USP40: variants seen among roughly 807,000 people sequenced by gnomAD.
USP40 encodes ubiquitin carboxyl-terminal hydrolase 40.
In USP40, 143 loss-of-function variants were observed where a neutral mutation model predicts 166.2. That is an observed-to-expected ratio of 0.86 (90% confidence interval 0.75 to 0.99). The LOEUF (loss-of-function observed/expected upper bound fraction) is 0.99, where lower values mean the gene tolerates loss of function less well. USP40 is among the 50% of genes least tolerant of loss of function. USP40 has a pLI of 0.00. For synonymous variants in USP40, 498 were observed against 524.0 expected (o/e 0.95, Z 0.68); for missense variants, 1,444 against 1,479.7 (o/e 0.98, Z 0.40).
chr2:233,479,560 G>A (rs563436037), intron 31 of USP40, among the ~76,000 whole-genome samples: 22 of 128,708 alleles, frequency 1.7e-4, no homozygotes, highest in Admixed American at 2.3e-4. Context: ...GGACTCCGTC[G>A]CAAAAAAAAA....
At chr2:233,562,841 C>A (rs2071777740) in intron 2 of USP40, 38 bp from the exon 3 acceptor site, 3 of 1,456,784 alleles carry the variant, frequency 2.1e-6, no homozygotes, top group East Asian at 2.5e-5. Flanking sequence ...CAAATGACAT[C>A]ATTTCATTTT....
intron 18 of USP40, among the ~76,000 whole-genome samples, chr2:233,516,964 T>A (rs905856862): frequency 6.6e-6 from 1 of 152,192 alleles, no homozygotes; most frequent in African/African-American, 2.4e-5. Context: ...TATTTTCTAG[T>A]TTTTAGTGTA....
At chr2:233,532,997 T>C (rs1420339464) in intron 11 of USP40, among the ~76,000 whole-genome samples, 4 of 150,290 alleles carry the variant, frequency 2.7e-5, no homozygotes, top group Non-Finnish European at 5.9e-5. Context: ...GGAGAAGATA[T>C]GAAAAGATAT....
At chr2:233,517,710 A>G (rs1407201583) in intron 18 of USP40, among the ~76,000 whole-genome samples, 2 of 152,088 alleles carry the variant, frequency 1.3e-5, no homozygotes, top group Admixed American at 1.3e-4. Context: ...TTATAGCAGC[A>G]CAGTTTGCAA....
Position 233,479,561 on chromosome 2 carries a change from C to CAAA in USP40, c.3599+1639_3599+1641dup, listed in dbSNP as rs1295940321. Among the ~76,000 whole-genome samples the CAAA allele has an allele frequency of 2.8e-4, 27 of 96,358 alleles. 1 individual carries two copies. Among genetic ancestry groups the CAAA allele is most frequent in the African/African-American group, 9.5e-4 (25 of 26,198 alleles). 63.2% of individuals were successfully genotyped at this position (96,358 alleles called of 152,430 possible). On this transcript the variant is annotated intron_variant, in intron 31 of 31. Coordinates refer to ENST00000678225, the MANE Select transcript of USP40 (RefSeq NM_001365479.2). ...CTGGCGACAAGGTGGGACTCCGTCG[C>CAAA]AAAAAAAAAAAAAAATTTGGAAAAC...
chr2:233,527,822 G>A (rs1257977064), intron 12 of USP40, among the ~76,000 whole-genome samples: 2 of 150,490 alleles, frequency 1.3e-5, no homozygotes, highest in African/African-American at 4.9e-5. Context: ...CCATTTCTCT[G>A]AACAAAGGCT....
chr2:233,496,715 C>A, intron 24 of USP40, 43 bp downstream of exon 24: 1 of 1,524,044 alleles, frequency 6.6e-7, no homozygotes, highest in Non-Finnish European at 9.1e-7. Context: ...AATCAGATAA[C>A]AATTATTACT....
chr2:233,486,977 G>A lies in USP40; in HGVS notation c.3198-1000C>T, dbSNP rs564879642. Among the ~76,000 whole-genome samples, 5 of 152,312 alleles carry A rather than the reference G, an allele frequency of 3.3e-5. No homozygotes were observed. The South Asian group carries it at 6.2e-4, about 19-fold the overall frequency. On this transcript the variant is annotated intron_variant, in intron 28 of 31. Coordinates refer to ENST00000678225, the MANE Select transcript of USP40 (RefSeq NM_001365479.2). The surrounding 1 kb of genome is among the most constrained non-coding windows in gnomAD (Gnocchi z 4.0). ...GGGACTAGAGGCCTCCTTGAGAGCA[G>A]GAGTGCCCTGGAAGTTGGTCAAGGA...
rs564439709 is a variant in USP40, at chr2:233,511,466, A to G, written c.2526+243T>C. 1.1e-4 allele frequency among the ~76,000 whole-genome samples: 17 copies of G among 152,336 alleles called. No homozygotes were observed. The East Asian group carries it at 3.3e-3, about 29-fold the overall frequency. On this transcript the variant is annotated intron_variant, in intron 20 of 31. Transcript: ENST00000678225. ...AATATAGTGGTTGAAAGTGGTGGCC[A>G]CTCAGCATCAAAGATTCCTTTTAAC...
At position 233,477,391 on chromosome 2, in the gene USP40, G is replaced by T. The variant is rs1575200912; in HGVS notation, c.*1C>A. ...GGGAGTAGAGCCGTGCAGCGGCGCG[G>T]TTATCTGAAGCTCCCCACGTGGATG... is the stretch of plus-strand genomic sequence containing the variant. On this transcript the variant is annotated 3_prime_UTR_variant, in exon 32 of 32. Transcript: ENST00000678225. 6.2e-7 allele frequency: 1 copy of T among 1,613,290 alleles called. No individual in the cohort carries two copies. The highest frequency in any genetic ancestry group is 1.1e-5 in the South Asian group (1 of 91,072).
chr2:233,549,928 G>A (rs533856679), intron 7 of USP40, among the ~76,000 whole-genome samples: 36 of 152,006 alleles, frequency 2.4e-4, no homozygotes, highest in African/African-American at 8.7e-4. Flanking sequence ...CTAGCAATTA[G>A]AAACAAAATA....
At chr2:233,526,610 GA>G (rs749020972) in intron 13 of USP40, among the ~76,000 whole-genome samples, 1 of 151,998 alleles carries the variant, frequency 6.6e-6, no homozygotes, top group Non-Finnish European at 1.5e-5. Context: ...TAATTTCTGG[GA>G]AAAAACACAA....
Position 233,496,825 on chromosome 2 carries a change from G to A in USP40, c.2723C>T (p.Thr908Ile). Residue 908 changes from threonine to isoleucine, a missense_variant, in exon 24 of 32, where the codon ACA (threonine) becomes ATA (isoleucine). Transcript: ENST00000678225. ...AGAACATATCAGAAGTTCTTTCAGT[G>A]TTGCATCCTGGGAAGACAAAAATGC... ...AGEPLCEEDA[T>I]LKELLICSGD... is the part of the protein sequence containing the mutation. 6.2e-7 allele frequency: 1 copy of A among 1,612,028 alleles called. No homozygotes were observed. The highest frequency in any genetic ancestry group is 8.5e-7 in the Non-Finnish European group (1 of 1,179,168).
chr2:233,523,606 T>G, intron 15 of USP40, 117 bp from the exon 16 acceptor site: 1 of 987,354 alleles, frequency 1.0e-6, no homozygotes, highest in East Asian at 2.7e-5. Flanking sequence ...TAAAATAAAA[T>G]TTTCACAAAT....
chr2:233,511,490 A>C (rs1366391566), intron 20 of USP40, among the ~76,000 whole-genome samples: 1 of 152,216 alleles, frequency 6.6e-6, no homozygotes, highest in Non-Finnish European at 1.5e-5. Flanking sequence ...ATTCCTTTTA[A>C]CCACAAAATC....
At chr2:233,506,389 T>C (rs914498518) in intron 21 of USP40, among the ~76,000 whole-genome samples, 4 of 151,862 alleles carry the variant, frequency 2.6e-5, no homozygotes, top group Non-Finnish European at 5.9e-5. Flanking sequence ...CCCAAAACAA[T>C]GAAACTACTA....
chr2:233,535,935 T>G (rs1239111317), intron 10 of USP40, among the ~76,000 whole-genome samples: 1 of 152,212 alleles, frequency 6.6e-6, no homozygotes, highest in Non-Finnish European at 1.5e-5. Context: ...GATGGATATG[T>G]TCATTAGATT....
chr2:233,549,599 T>G (rs527756587), intron 7 of USP40, among the ~76,000 whole-genome samples: 1 of 152,042 alleles, frequency 6.6e-6, no homozygotes, highest in East Asian at 1.9e-4. Flanking sequence ...GTACAATACC[T>G]ATTTACGCTG....
chr2:233,479,043 A>G (rs756095990), intron 31 of USP40, among the ~76,000 whole-genome samples: 4 of 152,260 alleles, frequency 2.6e-5, no homozygotes, highest in Non-Finnish European at 4.4e-5. Flanking sequence ...AGAAGACACC[A>G]GTGGTCTACT....
Sources: allele counts gnomAD v4.1 joint callset (sites outside exome capture counted in the v4.1 genomes callset), GRCh38; gene constraint gnomAD v4.1.1; non-coding constraint Gnocchi (gnomAD v3.1); transcripts MANE v1.5; gene names NCBI Gene and HGNC (gene_info 2026-07-23, HGNC 2026-07-21).